EYS: variants seen among roughly 807,000 people sequenced by gnomAD.
EYS encodes the protein protein eyes shut homolog.
EYS carries 250 observed loss-of-function variants against 282.1 expected under a neutral mutation model. The observed-to-expected ratio is 0.89, with a 90% CI of 0.80 to 0.98. The LOEUF (loss-of-function observed/expected upper bound fraction) is 0.98, where lower values mean the gene tolerates loss of function less well. Among genes scored for constraint, EYS ranks in the 50% least tolerant of loss-of-function variants. The pLI is 0.00. For synonymous variants in EYS, 1,355 were observed against 1,282.9 expected, an observed-to-expected ratio of 1.06 and a Z score of -1.20; for missense variants, 4,016 against 3,709.0, an observed-to-expected ratio of 1.08 and a Z score of -2.15.
chr6:65,018,567 A>C (rs541399465), intron 13 of EYS, among the ~76,000 whole-genome samples: 3 of 152,358 alleles, frequency 2.0e-5, no homozygotes, highest in Non-Finnish European at 2.9e-5. Context: ...ATATTATTAC[A>C]ATAAAGTGCT....
intron 15 of EYS, among the ~76,000 whole-genome samples, chr6:64,932,525 C>T (rs1041742071): frequency 4.6e-5 from 7 of 151,926 alleles, no homozygotes; most frequent in Non-Finnish European, 5.9e-5. Flanking sequence ...ATTAGATGTA[C>T]CTAGAAGTCT....
At chr6:65,278,346 T>TATAG (rs1197544798) in intron 12 of EYS, among the ~76,000 whole-genome samples, 1 of 146,580 alleles carries the variant, frequency 6.8e-6, no homozygotes, top group Non-Finnish European at 1.5e-5. Context: ...AGAATCTATA[T>TATAG]ATTCTATATA....
At chr6:65,413,402 T>C (rs1767104294) in intron 5 of EYS, among the ~76,000 whole-genome samples, 1 of 152,160 alleles carries the variant, frequency 6.6e-6, no homozygotes, top group South Asian at 2.1e-4. Context: ...CAATTAATTA[T>C]ATAGTACATT....
chr6:65,019,387 A>T (rs1160112658), intron 13 of EYS, among the ~76,000 whole-genome samples: 1 of 152,214 alleles, frequency 6.6e-6, no homozygotes, highest in African/African-American at 2.4e-5. Flanking sequence ...TTCACACAAG[A>T]CAATGTGTGG....
intron 35 of EYS, among the ~76,000 whole-genome samples, chr6:63,894,669 C>T (rs1402702300): frequency 6.6e-6 from 1 of 151,882 alleles, no homozygotes; most frequent in African/African-American, 2.4e-5. Context: ...GCAACCTCTG[C>T]CTCCTGGGTT....
At chr6:65,114,713 C>T (rs570147271) in intron 12 of EYS, among the ~76,000 whole-genome samples, 1 of 151,962 alleles carries the variant, frequency 6.6e-6, no homozygotes, top group African/African-American at 2.4e-5. Flanking sequence ...GATGACAGTT[C>T]TCTACACTCC....
intron 16 of EYS, among the ~76,000 whole-genome samples, chr6:64,906,289 G>C (rs1020913597): frequency 6.6e-6 from 1 of 151,550 alleles, no homozygotes; most frequent in Admixed American, 6.6e-5. Context: ...AAAAAAAGAA[G>C]AGCTAATATT....
intron 41 of EYS, among the ~76,000 whole-genome samples, chr6:63,733,439 C>A (rs913183335): frequency 6.6e-6 from 1 of 152,088 alleles, no homozygotes; most frequent in Non-Finnish European, 1.5e-5. Context: ...GTGCCCCTCC[C>A]TCCCTACCCC....
chr6:64,481,871 CT>C (rs1429250454), intron 26 of EYS, among the ~76,000 whole-genome samples: 1 of 151,554 alleles, frequency 6.6e-6, no homozygotes, highest in Non-Finnish European at 1.5e-5. Context: ...TATCTGTTCT[CT>C]ATATTTAAGG....
intron 8 of EYS, among the ~76,000 whole-genome samples, chr6:65,371,685 T>C (rs1449380193): frequency 6.7e-6 from 1 of 148,534 alleles, no homozygotes. Context: ...ATGTGAGCCT[T>C]CAAATTCCTC....
intron 15 of EYS, among the ~76,000 whole-genome samples, chr6:64,942,800 C>G (rs1159425547): frequency 7.1e-6 from 1 of 141,224 alleles, no homozygotes; most frequent in Non-Finnish European, 1.5e-5. Context: ...AAAAGAAAAG[C>G]TGGTACCCAT....
Position 65,441,979 on chromosome 6 carries a change from T to G in EYS, c.863-36612A>C, listed in dbSNP as rs116609321. On this transcript the variant is annotated intron_variant, in intron 5 of 42. Transcript: ENST00000503581. The stretch of plus-strand genomic sequence containing the variant: ...TCTTCATAGAGGCCTTCTGGAGATC[T>G]TTTTCTTTTTTGTGACATGATTCAT... Among the ~76,000 whole-genome samples the G allele has an allele frequency of 6.8e-3, 1,041 of 152,194 alleles. 12 individuals carry two copies. The highest frequency in any genetic ancestry group is 0.024 in the African/African-American group (988 of 41,560).
intron 26 of EYS, among the ~76,000 whole-genome samples, chr6:64,483,597 GCTT>G (rs1776497931): frequency 6.6e-6 from 1 of 151,542 alleles, no homozygotes; most frequent in Non-Finnish European, 1.5e-5. Flanking sequence ...ATTACTCTCT[GCTT>G]CTTCATAGTT....
intron 22 of EYS, among the ~76,000 whole-genome samples, chr6:64,634,451 T>C (rs527844027): frequency 1.3e-5 from 2 of 151,846 alleles, no homozygotes; most frequent in Admixed American, 1.3e-4. Context: ...TATTCCCTAC[T>C]AGCCATGGAT....
At chr6:65,046,909 T>A (rs1561938907) in intron 13 of EYS, among the ~76,000 whole-genome samples, 1 of 151,750 alleles carries the variant, frequency 6.6e-6, no homozygotes, top group Non-Finnish European at 1.5e-5. Flanking sequence ...CATTTTGAGT[T>A]CATGGGAGAT....
chr6:64,898,648 C>T (rs6904032), intron 18 of EYS, among the ~76,000 whole-genome samples: 42,771 of 150,436 alleles, frequency 0.28, 7,908 homozygotes, highest in African/African-American at 0.53. Context: ...AGTTAAAAGG[C>T]ACAGACTGGC....
chr6:65,702,754 T>C (rs1769725254), intron 1 of EYS, among the ~76,000 whole-genome samples: 1 of 151,844 alleles, frequency 6.6e-6, no homozygotes, highest in African/African-American at 2.4e-5. Flanking sequence ...AGTGTATAAA[T>C]ACATAGATAC....
chr6:65,003,292 C>G (rs952571039), intron 13 of EYS, among the ~76,000 whole-genome samples: 1 of 147,156 alleles, frequency 6.8e-6, no homozygotes. Context: ...AGACTGCAGG[C>G]GTGAAATAGA....
At chr6:64,159,780 G>A (rs900536520) in intron 31 of EYS, among the ~76,000 whole-genome samples, 3 of 151,894 alleles carry the variant, frequency 2.0e-5, no homozygotes, top group Non-Finnish European at 4.4e-5. Flanking sequence ...CGTATTGTGG[G>A]ATGTCTACAA....
Sources: allele counts gnomAD v4.1 joint callset (sites outside exome capture counted in the v4.1 genomes callset), GRCh38; gene constraint gnomAD v4.1.1; transcripts MANE v1.5; gene names NCBI Gene and HGNC (gene_info 2026-07-23, HGNC 2026-07-21).